Variants in ANKS1B observed in about 807,000 individuals in gnomAD.
ANKS1B encodes ankyrin repeat and sterile alpha motif domain-containing protein 1B.
In ANKS1B, 36 loss-of-function variants were observed where a neutral mutation model predicts 148.3. The observed-to-expected ratio is 0.24, with a 90% CI of 0.19 to 0.32. ANKS1B has a LOEUF of 0.32. ANKS1B is among the 10% of genes least tolerant of loss of function. The pLI, the probability that ANKS1B is intolerant of heterozygous loss-of-function variation, is 1.00. For missense variants in ANKS1B, 1,157 were observed against 1,542.6 expected, an observed-to-expected ratio of 0.75 and a Z score of 4.19; for synonymous variants, 542 against 560.8, an observed-to-expected ratio of 0.97 and a Z score of 0.47.
chr12:99,904,127 C>T (rs560424594), intron 1 of ANKS1B, among the ~76,000 whole-genome samples: 13 of 152,094 alleles, frequency 8.5e-5, no homozygotes, highest in Non-Finnish European at 1.6e-4. Flanking sequence ...TCTCTTATCC[C>T]GAGAGTCCTT....
At chr12:98,868,312 T>C (rs941561462) in intron 17 of ANKS1B, among the ~76,000 whole-genome samples, 2 of 152,164 alleles carry the variant, frequency 1.3e-5, no homozygotes, top group African/African-American at 4.8e-5. Flanking sequence ...GCTTGGAACG[T>C]CCCAGGAGTA....
rs189354081 is a variant in ANKS1B at position 99,878,680 on chromosome 12, G to A, written c.135-53291C>T. On this transcript the variant is annotated intron_variant, in intron 1 of 26. Transcript: ENST00000683438. The stretch of plus-strand genomic sequence containing the variant: ...TCACTTCTTTTTTATTTTAAGTTCC[G>A]GGATACATGTGCTGAATGTGCAGGT... 1.5e-3 allele frequency among the ~76,000 whole-genome samples: 230 copies of A among 151,718 alleles called. 3 individuals are homozygous for A. The highest frequency in any genetic ancestry group is 0.013 in the Admixed American group (195 of 15,226).
intron 9 of ANKS1B, among the ~76,000 whole-genome samples, chr12:99,617,637 AG>A (rs2153365082): frequency 6.6e-6 from 1 of 152,010 alleles, no homozygotes; most frequent in East Asian, 1.9e-4. Context: ...GGGGCCTTTC[AG>A]GGGTTGGGGG....
chr12:99,513,434 T>G (rs2096786494), intron 9 of ANKS1B, among the ~76,000 whole-genome samples: 1 of 152,084 alleles, frequency 6.6e-6, no homozygotes, highest in Non-Finnish European at 1.5e-5. Context: ...GTGGAGCGTT[T>G]AAATTGATTT....
chr12:99,286,141 T>A lies in ANKS1B; in HGVS notation c.1757-39277A>T, dbSNP rs527628147. 4.6e-5 allele frequency among the ~76,000 whole-genome samples: 7 copies of A among 151,450 alleles called. No homozygotes were observed. In the South Asian group the frequency reaches 1.3e-3, roughly 27 times the overall value. The stretch of plus-strand genomic sequence containing the variant: ...GCAGCACAGCTTGCAGCTCCAGGAT[T>A]CACACCTTCCTTCTGCTTGAGAAGA... On this transcript the variant is annotated intron_variant, in intron 12 of 26. Coordinates refer to ENST00000683438, the MANE Select transcript of ANKS1B (RefSeq NM_001352186.2).
intron 17 of ANKS1B, among the ~76,000 whole-genome samples, chr12:98,881,389 G>A (rs1314346667): frequency 6.6e-6 from 1 of 152,084 alleles, no homozygotes; most frequent in Non-Finnish European, 1.5e-5. Flanking sequence ...TATTATTAAA[G>A]TGCAATTTTC....
In ANKS1B at chr12:99,246,517, A is replaced by C. The variant is rs778657441; in HGVS notation, c.2104T>G (p.Trp702Gly). 1.9e-6 allele frequency: 3 copies of C among 1,612,954 alleles called. No individual in the cohort carries two copies. The highest frequency in any genetic ancestry group is 2.5e-6 in the Non-Finnish European group (3 of 1,179,580). ...TRSGSRNGDQ[W>G]VMNAGGFVER... ...ACAAATCCCCCTGCGTTCATAACCC[A>C]CTGGTCCCCATTCCGAGATCCACTC... The change falls in exon 13 of 27, where the codon TGG becomes GGG. Residue 702 changes from tryptophan (W) to glycine (G), a missense_variant. Physicochemically the swap from Trp to Gly is radical, Grantham distance 184. Coordinates refer to ENST00000683438, the MANE Select transcript of ANKS1B (RefSeq NM_001352186.2).
At chr12:99,892,495 C>T (rs1361843796) in intron 1 of ANKS1B, among the ~76,000 whole-genome samples, 1 of 152,184 alleles carries the variant, frequency 6.6e-6, no homozygotes, top group Non-Finnish European at 1.5e-5. Flanking sequence ...TGAACATGAA[C>T]CAACTTGAGA....
intron 19 of ANKS1B, among the ~76,000 whole-genome samples, chr12:98,811,779 C>T (rs763272378): frequency 1.3e-5 from 2 of 152,118 alleles, no homozygotes; most frequent in African/African-American, 2.4e-5. Context: ...AGGTGTCTGG[C>T]TCCATGATTG....
At chr12:99,626,381 A>T (rs1055605045) in intron 9 of ANKS1B, among the ~76,000 whole-genome samples, 2 of 152,128 alleles carry the variant, frequency 1.3e-5, no homozygotes, top group Non-Finnish European at 2.9e-5. Context: ...GACAATGACA[A>T]ATTGCTCAAG....
chr12:99,501,067 G>A (rs1241702545), intron 10 of ANKS1B, among the ~76,000 whole-genome samples: 1 of 150,658 alleles, frequency 6.6e-6, no homozygotes, highest in Non-Finnish European at 1.5e-5. Flanking sequence ...GTAAGTAATT[G>A]GAATTTTTTT....
chr12:99,173,253 G>A (rs1021052646), intron 14 of ANKS1B, among the ~76,000 whole-genome samples: 4 of 152,008 alleles, frequency 2.6e-5, no homozygotes, highest in African/African-American at 9.7e-5. Context: ...AAAGTCAACT[G>A]GTAAATCTCT....
chr12:98,873,700 T>C, intron 17 of ANKS1B, among the ~76,000 whole-genome samples: 1 of 152,076 alleles, frequency 6.6e-6, no homozygotes, highest in East Asian at 1.9e-4. Flanking sequence ...CTAAAAACAA[T>C]GCCTTCATCA....
At chr12:99,159,294 T>C (rs2076396982) in intron 14 of ANKS1B, among the ~76,000 whole-genome samples, 1 of 152,188 alleles carries the variant, frequency 6.6e-6, no homozygotes, top group African/African-American at 2.4e-5. Flanking sequence ...TTGTGTGATG[T>C]TAAGGTTTGG....
intron 14 of ANKS1B, among the ~76,000 whole-genome samples, chr12:99,169,130 T>C (rs963059680): frequency 2.6e-5 from 4 of 152,320 alleles, no homozygotes; most frequent in South Asian, 2.1e-4. Flanking sequence ...GGTGGGGAGA[T>C]AGCTTTGAAT....
intron 25 of ANKS1B, among the ~76,000 whole-genome samples, chr12:98,757,306 GC>G (rs985513617): frequency 1.3e-5 from 2 of 152,194 alleles, no homozygotes. Context: ...TCTGGCTGAG[GC>G]CCCAGATGTT....
At chr12:98,883,287 T>C (rs2099719890) in intron 17 of ANKS1B, among the ~76,000 whole-genome samples, 1 of 152,186 alleles carries the variant, frequency 6.6e-6, no homozygotes, top group Non-Finnish European at 1.5e-5. Context: ...AATAGGGGAT[T>C]AGGGCAATTA....
At chr12:99,974,376 T>A (rs1335232967) in intron 1 of ANKS1B, among the ~76,000 whole-genome samples, 1 of 152,228 alleles carries the variant, frequency 6.6e-6, no homozygotes, top group African/African-American at 2.4e-5. Flanking sequence ...CCACAATATG[T>A]CTGAGCTATG....
intron 17 of ANKS1B, among the ~76,000 whole-genome samples, chr12:98,982,332 G>A (rs1174655047): frequency 6.6e-6 from 1 of 151,934 alleles, no homozygotes; most frequent in Non-Finnish European, 1.5e-5. Context: ...TGAGGACAAT[G>A]TTTCTGCTCT....
Sources: gnomAD v4.1 joint callset for allele counts (sites outside exome capture counted in the v4.1 genomes callset) on GRCh38, gnomAD v4.1.1 for gene constraint, MANE v1.5 for transcripts, NCBI Gene and HGNC (gene_info 2026-07-23, HGNC 2026-07-21) for gene names.